The following MAGI3 variants were observed in gnomAD, a reference collection of about 807,000 sequenced individuals.
The protein encoded by MAGI3 is membrane-associated guanylate kinase, WW and PDZ domain-containing protein 3.
MAGI3 carries 43 observed loss-of-function variants against 121.8 expected under a neutral mutation model. The observed-to-expected ratio is 0.35, with a 90% CI of 0.28 to 0.46. The LOEUF (loss-of-function observed/expected upper bound fraction) is 0.46. Ranked by LOEUF, MAGI3 falls within the 20% of genes least tolerant of loss-of-function variation. The pLI is 1.00. For missense variants in MAGI3, 1,547 were observed against 1,797.3 expected (o/e 0.86, Z 2.52); for synonymous variants, 553 against 639.3 (o/e 0.86, Z 2.04).
chr1:113,508,298 A>G (rs2101606361), intron 1 of MAGI3, among the ~76,000 whole-genome samples: 1 of 152,312 alleles, frequency 6.6e-6, no homozygotes, highest in African/African-American at 2.4e-5. Context: ...AACTCTGTGA[A>G]GTGATTGAAA....
At chr1:113,401,963 C>G (rs1430166387) in intron 1 of MAGI3, among the ~76,000 whole-genome samples, 1 of 152,126 alleles carries the variant, frequency 6.6e-6, no homozygotes, top group Non-Finnish European at 1.5e-5. Context: ...TATGTTTTCT[C>G]TCTGGGCTAA....
At chr1:113,477,259 T>G (rs1655877460) in intron 1 of MAGI3, among the ~76,000 whole-genome samples, 1 of 152,222 alleles carries the variant, frequency 6.6e-6, no homozygotes, top group Admixed American at 6.5e-5. Flanking sequence ...GTGAATTTGA[T>G]CCTGTCATTA....
At chr1:113,556,878 T>C (rs1372250872) in intron 2 of MAGI3, among the ~76,000 whole-genome samples, 2 of 152,262 alleles carry the variant, frequency 1.3e-5, no homozygotes, top group Middle Eastern at 3.4e-3. Flanking sequence ...ATAAGGAATA[T>C]TCTGAATAAC....
intron 6 of MAGI3, among the ~76,000 whole-genome samples, chr1:113,610,470 A>G (rs1650050121): frequency 6.6e-6 from 1 of 151,962 alleles, no homozygotes; most frequent in African/African-American, 2.4e-5. Context: ...TTATCTTCTT[A>G]TATTTCTCTT....
At chr1:113,630,053 G>A (rs941964739) in intron 9 of MAGI3, among the ~76,000 whole-genome samples, 2 of 152,192 alleles carry the variant, frequency 1.3e-5, no homozygotes, top group African/African-American at 4.8e-5. Flanking sequence ...GTTTCCCCAA[G>A]CCGCGAGTGG....
intron 2 of MAGI3, among the ~76,000 whole-genome samples, chr1:113,560,445 GGAAA>G (rs767670476): frequency 7.3e-5 from 11 of 151,508 alleles, no homozygotes; most frequent in South Asian, 4.2e-4. Context: ...AAAGAAAAAA[GGAAA>G]GAAAGAAAGA....
intron 16 of MAGI3, among the ~76,000 whole-genome samples, chr1:113,669,286 A>G (rs1393287652): frequency 2.0e-5 from 3 of 152,236 alleles, no homozygotes; most frequent in Non-Finnish European, 4.4e-5. Flanking sequence ...GAGTACAGGA[A>G]TATCGAGATA....
At position 113,482,956 on chromosome 1, in the gene MAGI3, C is replaced by T. The variant is rs577604142; in HGVS notation, c.317-66559C>T. On this transcript the variant is annotated intron_variant, in intron 1 of 20. Coordinates refer to ENST00000307546, the MANE Select transcript of MAGI3 (RefSeq NM_001142782.2). ...GAGTAGCTGGGACCACAGGCATGCA[C>T]TACCATGCCCAACTAGTTTTTTTGT... 9.9e-5 allele frequency among the ~76,000 whole-genome samples: 15 copies of T among 152,190 alleles called. No homozygotes were observed. In the South Asian group the frequency reaches 3.1e-3, roughly 32 times the overall value.
At chr1:113,593,484 C>T (rs946576989) in intron 5 of MAGI3, among the ~76,000 whole-genome samples, 4 of 151,748 alleles carry the variant, frequency 2.6e-5, no homozygotes, top group African/African-American at 7.3e-5. Context: ...TCAAGGCTGC[C>T]GTGAGCTGTG....
At chr1:113,528,867 G>C (rs1658575763) in intron 1 of MAGI3, among the ~76,000 whole-genome samples, 1 of 152,112 alleles carries the variant, frequency 6.6e-6, no homozygotes, top group African/African-American at 2.4e-5. Context: ...ATTGTCCTTA[G>C]AATATATGCC....
At chr1:113,542,870 T>A (rs2101658138) in intron 1 of MAGI3, among the ~76,000 whole-genome samples, 2 of 152,214 alleles carry the variant, frequency 1.3e-5, no homozygotes, top group South Asian at 4.1e-4. Context: ...TGAAGACAGA[T>A]TGACTGTGTT....
At chr1:113,585,790 A>G (rs1648331380) in intron 4 of MAGI3, among the ~76,000 whole-genome samples, 194 bp downstream of exon 4, 1 of 152,198 alleles carries the variant, frequency 6.6e-6, no homozygotes, top group Non-Finnish European at 1.5e-5. Flanking sequence ...AGTTGTCCCA[A>G]TTTGGATAAA....
At chr1:113,666,709 C>T (rs1654061333) in intron 16 of MAGI3, among the ~76,000 whole-genome samples, 1 of 152,164 alleles carries the variant, frequency 6.6e-6, no homozygotes, top group South Asian at 2.1e-4. Context: ...CGTCTAGAAA[C>T]CTTTCCAGGT....
At chr1:113,627,909 CTTT>C in intron 9 of MAGI3, among the ~76,000 whole-genome samples, 1 of 151,912 alleles carries the variant, frequency 6.6e-6, no homozygotes, top group South Asian at 2.1e-4. Context: ...CTATGTGTAC[CTTT>C]ACAGGTGACA....
chr1:113,664,554 T>TA (rs551718060), intron 16 of MAGI3, among the ~76,000 whole-genome samples: 223 of 152,202 alleles, frequency 1.5e-3, no homozygotes, highest in African/African-American at 5.2e-3. Context: ...CCTTATCTCT[T>TA]AAAAAAATAA....
At chr1:113,640,874 C>G (rs1057286837) in intron 9 of MAGI3, among the ~76,000 whole-genome samples, 2 of 144,730 alleles carry the variant, frequency 1.4e-5, no homozygotes, top group African/African-American at 5.1e-5. Context: ...CACTTGCATC[C>G]TGGAACTTAA....
chr1:113,563,935 C>T (rs1458399011), intron 2 of MAGI3, among the ~76,000 whole-genome samples: 1 of 152,198 alleles, frequency 6.6e-6, no homozygotes, highest in African/African-American at 2.4e-5. Flanking sequence ...GGTCTAAATC[C>T]CAGACCTTGG....
chr1:113,617,219 T>C (rs892666551), intron 7 of MAGI3, among the ~76,000 whole-genome samples: 21 of 152,230 alleles, frequency 1.4e-4, no homozygotes, highest in African/African-American at 4.8e-4. Context: ...GAATATTTTG[T>C]TGAGATAAAT....
At chr1:113,465,153 T>G (rs2101526676) in intron 1 of MAGI3, among the ~76,000 whole-genome samples, 1 of 152,284 alleles carries the variant, frequency 6.6e-6, no homozygotes. Context: ...TTTAAGTATT[T>G]TATCCATTTT....
Sources: gnomAD v4.1 joint callset for allele counts (sites outside exome capture counted in the v4.1 genomes callset) on GRCh38, gnomAD v4.1.1 for gene constraint, MANE v1.5 for transcripts, NCBI Gene and HGNC (gene_info 2026-07-23, HGNC 2026-07-21) for gene names.